The following PRKCE variants were observed in gnomAD, a reference collection of about 807,000 sequenced individuals.
The protein encoded by PRKCE is protein kinase C epsilon type.
Under a neutral mutation model 85.4 loss-of-function variants are expected in PRKCE, and 16 were observed. The observed-to-expected ratio is 0.19, with a 90% CI of 0.13 to 0.28. The LOEUF (loss-of-function observed/expected upper bound fraction) is 0.28, where lower values mean the gene tolerates loss of function less well. Ranked by LOEUF, PRKCE falls within the 10% of genes least tolerant of loss-of-function variation. PRKCE has a pLI of 1.00. For synonymous variants in PRKCE, 388 were observed against 371.5 expected (o/e 1.04, Z -0.51); for missense variants, 573 against 975.2 (o/e 0.59, Z 5.49).
At chr2:46,151,383 A>ATGGGAAGGATTAAGGGCAGTTGCCAC (rs1676617157) in intron 13 of PRKCE, among the ~76,000 whole-genome samples, 154 bp downstream of exon 13, 1 of 151,514 alleles carries the variant, frequency 6.6e-6, no homozygotes, top group Admixed American at 6.6e-5. Context: ...TCACCACGGA[A>ATGGGAAGGATTAAGGGCAGTTGCCAC]TGGGAAGGAT....
intron 2 of PRKCE, among the ~76,000 whole-genome samples, chr2:45,880,187 T>A (rs1694776133): frequency 6.6e-6 from 1 of 152,238 alleles, no homozygotes; most frequent in Non-Finnish European, 1.5e-5. Context: ...GCTCTGCAAA[T>A]GACAAGATTT....
intron 1 of PRKCE, among the ~76,000 whole-genome samples, chr2:45,673,053 A>C (rs775016075): frequency 4.6e-5 from 7 of 152,044 alleles, no homozygotes; most frequent in Non-Finnish European, 1.0e-4. Context: ...ACAAACAAAC[A>C]AACCAAAAAC....
chr2:46,108,481 G>A (rs560022812), intron 11 of PRKCE, among the ~76,000 whole-genome samples: 11 of 152,302 alleles, frequency 7.2e-5, no homozygotes, highest in African/African-American at 2.6e-4. Flanking sequence ...TGAGCAGAGT[G>A]TGGAATGATG....
chr2:46,071,274 T>C (rs891913868), intron 10 of PRKCE, among the ~76,000 whole-genome samples: 2 of 152,252 alleles, frequency 1.3e-5, no homozygotes, highest in Non-Finnish European at 1.5e-5. Flanking sequence ...TATAAATATG[T>C]ACTAGTCAGC....
rs754019807 is a variant in PRKCE, at chr2:45,843,112, C to T, written c.412+49C>T. The T allele has an allele frequency of 9.9e-6, 15 of 1,522,300 alleles. No individual in the cohort carries two copies. In the South Asian group the frequency reaches 1.3e-4, roughly 14 times the overall value. The allele number at this position is 1,522,300 out of a possible 1,614,324, so 94.3% of individuals were successfully genotyped here. ...CCTGTTTTCTTCCATTGGCCCTTTG[C>T]CTTCTGGGTCTCTTCTTTCCCCCCC... On this transcript the variant is annotated intron_variant, in intron 2 of 14. Coordinates refer to ENST00000306156, the MANE Select transcript of PRKCE (RefSeq NM_005400.3).
At chr2:45,783,754 G>T (rs1686375815) in intron 1 of PRKCE, among the ~76,000 whole-genome samples, 1 of 152,172 alleles carries the variant, frequency 6.6e-6, no homozygotes, top group Non-Finnish European at 1.5e-5. Context: ...CTCTGGGTGT[G>T]GCTCACGAGC....
At chr2:45,989,834 T>C (rs1703649142) in intron 6 of PRKCE, among the ~76,000 whole-genome samples, 1 of 152,170 alleles carries the variant, frequency 6.6e-6, no homozygotes, top group Non-Finnish European at 1.5e-5. Context: ...CTCACTGTTC[T>C]TACTGTCAAA....
intron 6 of PRKCE, among the ~76,000 whole-genome samples, chr2:45,998,250 A>C (rs1024096632): frequency 2.0e-5 from 3 of 152,188 alleles, no homozygotes; most frequent in African/African-American, 7.2e-5. Context: ...TGCCTGCTAG[A>C]TCTGTTTATT....
At chr2:45,884,783 A>G (rs1437503467) in intron 2 of PRKCE, among the ~76,000 whole-genome samples, 1 of 151,654 alleles carries the variant, frequency 6.6e-6, no homozygotes, top group Admixed American at 6.6e-5. Context: ...TTCAACCAGC[A>G]CAGAGGGATG....
Position 46,004,151 on chromosome 2 carries a change from C to T in PRKCE, c.967-391C>T. The stretch of plus-strand genomic sequence containing the variant: ...CCCGTCCAATGTAGATGATGTATTT[C>T]TTCCTGTAAACCTGGACTACTTTTC... On this transcript the variant is annotated intron_variant, in intron 7 of 14. Coordinates refer to ENST00000306156, the MANE Select transcript of PRKCE (RefSeq NM_005400.3). This position sits in a 1 kb window ranked among gnomAD's most constrained non-coding sequence, Gnocchi z 4.1. The T allele has an allele frequency of 3.4e-6, 1 of 295,532 alleles. No homozygotes were observed. Among genetic ancestry groups the T allele is most frequent in the Non-Finnish European group, 6.6e-6 (1 of 150,460 alleles). 18.3% of individuals were successfully genotyped at this position (295,532 alleles called of 1,614,324 possible). A position where few individuals can be genotyped will look rare whatever the true frequency, so the allele number is the denominator to read the frequency against.
At chr2:46,096,673 G>A (rs949812179) in intron 11 of PRKCE, among the ~76,000 whole-genome samples, 10 of 152,286 alleles carry the variant, frequency 6.6e-5, no homozygotes, top group South Asian at 4.1e-4. Context: ...TACACTTCTA[G>A]CCTTCACAAC....
At chr2:46,032,688 A>AT (rs1309095459) in intron 10 of PRKCE, among the ~76,000 whole-genome samples, 2 of 152,214 alleles carry the variant, frequency 1.3e-5, no homozygotes, top group African/African-American at 4.8e-5. Context: ...GCAAGAAGTG[A>AT]TTTATGTAAC....
chr2:46,113,328 T>G (rs1484628335), intron 11 of PRKCE, among the ~76,000 whole-genome samples: 2 of 152,262 alleles, frequency 1.3e-5, no homozygotes, highest in East Asian at 3.8e-4. Flanking sequence ...CAGACGGTAC[T>G]TACAGATATC....
At chr2:46,152,928 G>C (rs1481564227) in intron 13 of PRKCE, among the ~76,000 whole-genome samples, 1 of 152,144 alleles carries the variant, frequency 6.6e-6, no homozygotes, top group Non-Finnish European at 1.5e-5. Context: ...CCATGTTTTA[G>C]AAAACTCCAC....
chr2:46,112,820 T>C (rs564060152), intron 11 of PRKCE, among the ~76,000 whole-genome samples: 3 of 152,292 alleles, frequency 2.0e-5, no homozygotes, highest in African/African-American at 7.2e-5. Flanking sequence ...ACACCTGGCC[T>C]CTTTATCACT....
At chr2:45,658,826 C>G (rs1416974054) in intron 1 of PRKCE, among the ~76,000 whole-genome samples, 2 of 152,162 alleles carry the variant, frequency 1.3e-5, no homozygotes, top group Non-Finnish European at 2.9e-5. Flanking sequence ...CTTACATACT[C>G]TAAAAATAAA....
intron 10 of PRKCE, among the ~76,000 whole-genome samples, chr2:46,058,621 A>C (rs1666827919): frequency 6.6e-6 from 1 of 152,114 alleles, no homozygotes; most frequent in African/African-American, 2.4e-5. Context: ...CGGACTACTC[A>C]CCATCAAGAC....
At position 46,086,213 on chromosome 2, in the gene PRKCE, C is replaced by G. The variant is rs1669626563; in HGVS notation, c.1443C>G (p.Arg481=). The G allele has an allele frequency of 6.3e-7, 1 of 1,599,528 alleles. No individual in the cohort carries two copies. Among genetic ancestry groups the G allele is most frequent in the African/African-American group, 1.3e-5 (1 of 74,910 alleles). Residue 481 remains arginine, a synonymous_variant, in exon 11 of 15, where the codon CGC becomes CGG. Transcript: ENST00000306156. ...ATTTTCTTCTCTCCTTTCAGGACCGCCTCTTTTTCGTCATGGAATATGTAA... is the reference window on the plus strand; with the variant it reads ...ATTTTCTTCTCTCCTTTCAGGACCGGCTCTTTTTCGTCATGGAATATGTAA... ...QLYCCFQTKD[R]LFFVMEYVNG...
At chr2:46,055,097 A>G (rs1666437945) in intron 10 of PRKCE, among the ~76,000 whole-genome samples, 1 of 152,204 alleles carries the variant, frequency 6.6e-6, no homozygotes, top group African/African-American at 2.4e-5. Context: ...TACAAGTGCC[A>G]GGTATGCAGG....
Sources: allele counts gnomAD v4.1 joint callset (sites outside exome capture counted in the v4.1 genomes callset), GRCh38; gene constraint gnomAD v4.1.1; non-coding constraint Gnocchi (gnomAD v3.1); transcripts MANE v1.5; gene names NCBI Gene and HGNC (gene_info 2026-07-23, HGNC 2026-07-21).